LGSN: variants seen among roughly 807,000 people sequenced by gnomAD.
The protein encoded by LGSN is lengsin.
A neutral mutation model predicts 19.5 loss-of-function variants in LGSN; 21 were observed. The ratio of observed to expected loss-of-function variants is 1.07; its 90% CI spans 0.76 to 1.55. The LOEUF is 1.55. LGSN is among the 40% of genes most tolerant of loss of function. The pLI is 0.00. For missense variants in LGSN, 673 were observed against 608.5 expected (o/e 1.11, Z -1.12); for synonymous variants, 257 against 215.6 (o/e 1.19, Z -1.68).
At chr6:63,377,931 A>G in the LGSN span, among the ~76,000 whole-genome samples, 30,853 of 123,196 alleles carry the variant, frequency 0.25, 3,612 homozygotes, top group East Asian at 0.4. Context: ...AAAAAAAAAA[A>G]AAAAGAAAAG....
the LGSN span, among the ~76,000 whole-genome samples, chr6:63,328,654 A>T: frequency 6.6e-6 from 1 of 152,216 alleles, no homozygotes; most frequent in Non-Finnish European, 1.5e-5. Context: ...CACGAGTCTG[A>T]GTAAGGACTC....
the LGSN span, among the ~76,000 whole-genome samples, chr6:63,541,022 GAAGA>G: frequency 1.6e-5 from 2 of 121,476 alleles, no homozygotes; most frequent in African/African-American, 3.4e-5. Flanking sequence ...AGGAGGGAAT[GAAGA>G]AAGGAAGGAA....
chr6:63,489,752 G>A, the LGSN span, among the ~76,000 whole-genome samples: 1 of 152,106 alleles, frequency 6.6e-6, no homozygotes, highest in Admixed American at 6.6e-5. Flanking sequence ...CTGCACCCAG[G>A]CTGGAGTGCA....
At chr6:63,336,545 G>GTATATATA in the LGSN span, among the ~76,000 whole-genome samples, 3 of 138,914 alleles carry the variant, frequency 2.2e-5, no homozygotes, top group Admixed American at 7.3e-5. Context: ...GTGTGTGTGT[G>GTATATATA]TGTGTGTGTG....
chr6:63,436,881 C>CAA, the LGSN span, among the ~76,000 whole-genome samples: 13 of 151,366 alleles, frequency 8.6e-5, no homozygotes, highest in East Asian at 2.0e-4. Flanking sequence ...ACCAAAAATA[C>CAA]AAAAAAATAG....
chr6:63,499,044 A>C, the LGSN span, among the ~76,000 whole-genome samples: 1 of 152,144 alleles, frequency 6.6e-6, no homozygotes, highest in Non-Finnish European at 1.5e-5. Context: ...AGGAATTTAG[A>C]AAAATGTATA....
At chr6:63,435,586 G>A in the LGSN span, among the ~76,000 whole-genome samples, 16 of 150,606 alleles carry the variant, frequency 1.1e-4, no homozygotes, top group Admixed American at 3.3e-4. Flanking sequence ...ATGTCAGATC[G>A]TGTGACTTCT....
At chr6:63,462,576 A>T in the LGSN span, among the ~76,000 whole-genome samples, 1 of 152,230 alleles carries the variant, frequency 6.6e-6, no homozygotes, top group Non-Finnish European at 1.5e-5. Flanking sequence ...CAGAGGTTGC[A>T]GTGAGCTGAG....
chr6:63,348,996 C>A, the LGSN span, among the ~76,000 whole-genome samples: 1 of 151,954 alleles, frequency 6.6e-6, no homozygotes. Context: ...TTCAAGCAAT[C>A]GAGAATTGTT....
chr6:63,501,419 G>C, the LGSN span, among the ~76,000 whole-genome samples: 1 of 150,742 alleles, frequency 6.6e-6, no homozygotes, highest in Non-Finnish European at 1.5e-5. Context: ...GCCTTTTCTT[G>C]TCTTCATTAT....
At chr6:63,506,560 G>C in the LGSN span, among the ~76,000 whole-genome samples, 1 of 152,180 alleles carries the variant, frequency 6.6e-6, no homozygotes, top group Non-Finnish European at 1.5e-5. Flanking sequence ...ACTGTGCCCA[G>C]CTCTTCTTGT....
the LGSN span, among the ~76,000 whole-genome samples, chr6:63,414,323 C>A: frequency 3.3e-5 from 5 of 151,934 alleles, no homozygotes; most frequent in Admixed American, 2.6e-4. Context: ...TGTAAAATAT[C>A]CCCCCATTTC....
At chr6:63,551,907 G>GTA in the LGSN span, among the ~76,000 whole-genome samples, 1,258 of 152,308 alleles carry the variant, frequency 8.3e-3, 13 homozygotes, top group African/African-American at 0.028. Context: ...ATTCCATGGT[G>GTA]TATATGTGCC....
chr6:63,397,397 C>T, the LGSN span, among the ~76,000 whole-genome samples: 3 of 149,848 alleles, frequency 2.0e-5, 1 homozygote, highest in Admixed American at 2.0e-4. Context: ...TATAAAATTA[C>T]GTGAACAATT....
At chr6:63,474,608 C>CA in the LGSN span, among the ~76,000 whole-genome samples, 1,423 of 118,334 alleles carry the variant, frequency 0.012, 19 homozygotes, top group African/African-American at 0.044. Flanking sequence ...GACTCCATCT[C>CA]AAAAAAAAAA....
intron 2 of LGSN, among the ~76,000 whole-genome samples, chr6:63,289,425 T>G (rs1036705040): frequency 6.6e-6 from 1 of 152,196 alleles, no homozygotes; most frequent in African/African-American, 2.4e-5. Context: ...TTAAACCTTT[T>G]GGTCAGCCTT....
chr6:63,397,798 T>TACACCTGTAATTACACCTATAATC, the LGSN span, among the ~76,000 whole-genome samples: 4 of 152,008 alleles, frequency 2.6e-5, no homozygotes, highest in African/African-American at 9.6e-5. Flanking sequence ...CGCCTGTAAT[T>TACACCTGTAATTACACCTATAATC]ACACCTGTAA....
chr6:63,349,542 C>A, the LGSN span, among the ~76,000 whole-genome samples: 2 of 152,294 alleles, frequency 1.3e-5, no homozygotes, highest in South Asian at 4.1e-4. Context: ...ACCCTTTAAT[C>A]TGTGTTTAGA....
the LGSN span, among the ~76,000 whole-genome samples, chr6:63,345,208 T>C: frequency 1.3e-5 from 2 of 152,152 alleles, no homozygotes; most frequent in East Asian, 1.9e-4. Flanking sequence ...CTCAGAAATA[T>C]ATGTTTTGGG....
Sources: gnomAD v4.1 joint callset for allele counts (sites outside exome capture counted in the v4.1 genomes callset) on GRCh38, gnomAD v4.1.1 for gene constraint, MANE v1.5 for transcripts, NCBI Gene and HGNC (gene_info 2026-07-23, HGNC 2026-07-21) for gene names.